Variants in SCTR observed in about 807,000 individuals in gnomAD.
The protein encoded by SCTR is pancreatic secretin receptor.
SCTR carries 56 observed loss-of-function variants against 60.8 expected under a neutral mutation model. The observed-to-expected ratio is 0.92, with a 90% CI of 0.74 to 1.15. The LOEUF is 1.15. SCTR is among the 50% of genes most tolerant of loss of function. The probability of loss-of-function intolerance (pLI) is 0.00; values close to 1 mark genes in which losing one functional copy is unlikely to be tolerated. For synonymous variants in SCTR, 202 were observed against 217.0 expected (o/e 0.93, Z 0.61); for missense variants, 562 against 550.4 (o/e 1.02, Z -0.21).
chr2:119,481,501 C>T (rs1268921524), intron 2 of SCTR, among the ~76,000 whole-genome samples: 1 of 152,206 alleles, frequency 6.6e-6, no homozygotes, highest in Non-Finnish European at 1.5e-5. Flanking sequence ...GGTTCCAGGG[C>T]TTGCTTTGAG....
At chr2:119,511,057 G>T (rs1163004384) in intron 1 of SCTR, among the ~76,000 whole-genome samples, 2 of 151,850 alleles carry the variant, frequency 1.3e-5, no homozygotes, top group East Asian at 1.9e-4. Context: ...AAAAAAATTA[G>T]CCAGGCGTGA....
At chr2:119,473,059 G>A (rs1245127469) in intron 4 of SCTR, among the ~76,000 whole-genome samples, 2 of 152,208 alleles carry the variant, frequency 1.3e-5, no homozygotes, top group East Asian at 3.8e-4. Flanking sequence ...TGAAGAAAGT[G>A]AGGCACGTAG....
At chr2:119,497,131 T>C (rs1017541123) in intron 1 of SCTR, among the ~76,000 whole-genome samples, 5 of 152,036 alleles carry the variant, frequency 3.3e-5, no homozygotes, top group South Asian at 2.1e-4. Context: ...TAATGGAGAG[T>C]TGGGGTTTCC....
At chr2:119,449,578 C>T (rs571596471) in intron 9 of SCTR, among the ~76,000 whole-genome samples, 4 of 152,226 alleles carry the variant, frequency 2.6e-5, no homozygotes, top group African/African-American at 9.6e-5. Context: ...CCTCCCCCAA[C>T]CCCAGTGCCC....
At chr2:119,514,763 A>T (rs1473496037) in intron 1 of SCTR, among the ~76,000 whole-genome samples, 1 of 152,178 alleles carries the variant, frequency 6.6e-6, no homozygotes, top group Non-Finnish European at 1.5e-5. Context: ...CTGTAATCCC[A>T]GCCACTCAGG....
At position 119,464,254 on chromosome 2, in the gene SCTR, TC is replaced by T. The variant is rs1436612872; in HGVS notation, c.504del (p.Arg169GlyfsTer134). The T allele has an allele frequency of 6.2e-7, 1 of 1,613,964 alleles. No individual in the cohort carries two copies. The highest frequency in any genetic ancestry group is 1.3e-5 in the African/African-American group (1 of 74,910). ...ATGTAGTTGCGAGTGCAGTGGAGCCTCCTGCAGGGAGAGAATGTAGGGACAT... is the reference window on the plus strand; with the variant it reads ...ATGTAGTTGCGAGTGCAGTGGAGCCTCTGCAGGGAGAGAATGTAGGGACAT... ...LVALGILCAF[R>X]RLHCTRNYIH... On this transcript the variant is annotated frameshift_variant and splice_region_variant, in exon 6 of 13. Transcript: ENST00000019103. LOFTEE classifies it high-confidence loss of function.
chr2:119,468,608 C>T (rs1326992351), intron 4 of SCTR, among the ~76,000 whole-genome samples: 1 of 152,232 alleles, frequency 6.6e-6, no homozygotes, highest in East Asian at 1.9e-4. Context: ...CCCCATCCCA[C>T]CATCCTCCTT....
intron 1 of SCTR, among the ~76,000 whole-genome samples, chr2:119,494,991 G>A (rs1678290586): frequency 6.6e-6 from 1 of 152,102 alleles, no homozygotes; most frequent in African/African-American, 2.4e-5. Flanking sequence ...CTGGAGTGCA[G>A]TGGTGTGATC....
At chr2:119,514,303 A>G (rs1279319381) in intron 1 of SCTR, among the ~76,000 whole-genome samples, 6 of 152,196 alleles carry the variant, frequency 3.9e-5, no homozygotes, top group Non-Finnish European at 7.3e-5. Flanking sequence ...ACCAGGTGTG[A>G]GACAATCTGC....
At chr2:119,524,019 A>G (rs1316168267) in intron 1 of SCTR, 136 bp downstream of exon 1, 1 of 679,750 alleles carries the variant, frequency 1.5e-6, no homozygotes, top group Non-Finnish European at 2.6e-6. Context: ...TGTTGGGAGG[A>G]TTGGGAGGGA....
intron 2 of SCTR, among the ~76,000 whole-genome samples, chr2:119,488,642 C>A (rs1360239164): frequency 6.6e-6 from 1 of 152,144 alleles, no homozygotes; most frequent in Non-Finnish European, 1.5e-5. Flanking sequence ...GCAACAGGTT[C>A]GCAGAAGAGG....
intron 2 of SCTR, among the ~76,000 whole-genome samples, chr2:119,480,156 T>C (rs1022878459): frequency 6.6e-6 from 1 of 152,262 alleles, no homozygotes; most frequent in African/African-American, 2.4e-5. Flanking sequence ...ATTCATGTTA[T>C]CATTCTGCCT....
chr2:119,488,919 C>G (rs1040784750), intron 2 of SCTR, among the ~76,000 whole-genome samples: 3 of 152,228 alleles, frequency 2.0e-5, no homozygotes, highest in Admixed American at 6.5e-5. Context: ...CCGGCTGACT[C>G]TATTTGCTTT....
chr2:119,476,494 C>A (rs755134903), intron 3 of SCTR: 1 of 152,224 alleles, frequency 6.6e-6, no homozygotes, highest in Non-Finnish European at 1.5e-5. Context: ...TGGACATGGT[C>A]CAGCTTCCTG....
intron 2 of SCTR, among the ~76,000 whole-genome samples, chr2:119,483,534 G>A (rs1677728993): frequency 6.6e-6 from 1 of 152,200 alleles, no homozygotes; most frequent in Non-Finnish European, 1.5e-5. Context: ...TCCAGCGTCT[G>A]GGCACAGAAG....
intron 5 of SCTR, among the ~76,000 whole-genome samples, chr2:119,464,883 G>T (rs1315972365): frequency 6.6e-6 from 1 of 152,178 alleles, no homozygotes; most frequent in Non-Finnish European, 1.5e-5. Context: ...CACAGGCTGC[G>T]GGGAGAAAGC....
chr2:119,446,737 A>T (rs750813691), intron 11 of SCTR, 22 bp downstream of exon 11: 1 of 1,474,802 alleles, frequency 6.8e-7, no homozygotes, highest in Non-Finnish European at 9.0e-7. Context: ...TTCAGCTGGC[A>T]GCCCCAGTCC....
At chr2:119,476,353 CT>C (rs1305315189) in intron 3 of SCTR, 3 of 152,250 alleles carry the variant, frequency 2.0e-5, no homozygotes, top group African/African-American at 7.2e-5. Context: ...CCCCACCACC[CT>C]GGAGGGAGCC....
At position 119,453,114 on chromosome 2, in the gene SCTR, G is replaced by A. The variant is rs574220447; in HGVS notation, c.851+173C>T. Among the ~76,000 whole-genome samples the A allele has an allele frequency of 4.9e-4, 74 of 152,252 alleles. 1 individual carries two copies. Among genetic ancestry groups the A allele is most frequent in the Non-Finnish European group, 3.7e-4 (25 of 68,018 alleles). On this transcript the variant is annotated intron_variant, in intron 8 of 12. Transcript: ENST00000019103. ...AGTGCAGGCATGGCCAAGGCTGCTC[G>A]GCCCACCTGGAAACACACCTGGGAA...
Sources: allele counts gnomAD v4.1 joint callset (sites outside exome capture counted in the v4.1 genomes callset), GRCh38; gene constraint gnomAD v4.1.1; transcripts MANE v1.5; gene names NCBI Gene and HGNC (gene_info 2026-07-23, HGNC 2026-07-21).